The following PMS1 variants were observed in gnomAD, a reference collection of about 807,000 sequenced individuals.
PMS1 encodes the protein PMS1 protein homolog 1.
PMS1 carries 79 observed loss-of-function variants against 93.1 expected under a neutral mutation model. The observed-to-expected ratio is 0.85, with a 90% confidence interval of 0.71 to 1.02. The LOEUF is 1.02. PMS1 is among the 50% of genes least tolerant of loss of function. PMS1 has a pLI of 0.00. For synonymous variants in PMS1, 335 were observed against 363.4 expected, an observed-to-expected ratio of 0.92 and a Z score of 0.89; for missense variants, 1,064 against 1,085.3, an observed-to-expected ratio of 0.98 and a Z score of 0.28.
chr2:189,814,306 G>GAC (rs944186169), intron 4 of PMS1, among the ~76,000 whole-genome samples: 5 of 150,756 alleles, frequency 3.3e-5, no homozygotes, highest in African/African-American at 1.2e-4. Context: ...AATAGAGGAA[G>GAC]ACCCCCCCCC....
In PMS1 at chr2:189,856,734, G is replaced by A. The variant is rs145343984; in HGVS notation, c.1856+1606G>A. 2.2e-3 allele frequency among the ~76,000 whole-genome samples: 335 copies of A among 152,246 alleles called. 1 individual carries two copies. The highest frequency in any genetic ancestry group is 3.5e-3 in the Non-Finnish European group (238 of 67,974). On this transcript the variant is annotated intron_variant, in intron 9 of 12. Coordinates refer to ENST00000441310, the MANE Select transcript of PMS1 (RefSeq NM_000534.5). ...AAGTTCTCATGGAAATAGGGACAGT[G>A]TACAAGCTTATGATGGAAACTTATC...
intron 1 of PMS1, among the ~76,000 whole-genome samples, chr2:189,788,646 T>C (rs1307281840): frequency 6.6e-6 from 1 of 152,142 alleles, no homozygotes; most frequent in Admixed American, 6.5e-5. Flanking sequence ...ACAGATTTTT[T>C]AAAAGGTTAG....
In PMS1 at chr2:189,873,299, G is replaced by A. The variant is rs1369615514; in HGVS notation, c.2474-197G>A. On this transcript the variant is annotated intron_variant, in intron 11 of 12. Coordinates refer to ENST00000441310, the MANE Select transcript of PMS1 (RefSeq NM_000534.5). ...TTAAATTATATAAAGCACATGTGGT[G>A]TCAGTGAGCACTTATGACTTAATGT... 3.9e-5 allele frequency among the ~76,000 whole-genome samples: 6 copies of A among 152,282 alleles called. No individual in the cohort carries two copies. In the East Asian group the frequency reaches 1.2e-3, roughly 29 times the overall value.
At position 189,794,121 on chromosome 2, in the gene PMS1, T is replaced by C. The variant is rs568692528; in HGVS notation, c.133-1648T>C. 3.3e-5 allele frequency among the ~76,000 whole-genome samples: 5 copies of C among 152,260 alleles called. No homozygotes were observed. In the South Asian group the frequency reaches 1.0e-3, roughly 32 times the overall value. On this transcript the variant is annotated intron_variant, in intron 2 of 12. Transcript: ENST00000441310. ...ATGTAAACTTAACTTTATTCATTTA[T>C]TTATTTATTTTGAGACAGTCTCATT...
chr2:189,822,866 C>T (rs113053020), intron 5 of PMS1, among the ~76,000 whole-genome samples: 2 of 152,096 alleles, frequency 1.3e-5, no homozygotes, highest in African/African-American at 4.8e-5. Flanking sequence ...AGAAAATTGT[C>T]AAAGGAGCTA....
intron 4 of PMS1, among the ~76,000 whole-genome samples, chr2:189,810,046 TGTCA>T (rs1194732778): frequency 2.0e-5 from 3 of 152,212 alleles, no homozygotes; most frequent in African/African-American, 7.2e-5. Flanking sequence ...CCATTATATT[TGTCA>T]TCTAGGAACT....
intron 1 of PMS1, among the ~76,000 whole-genome samples, chr2:189,785,899 C>T (rs1282462265): frequency 4.6e-5 from 7 of 151,982 alleles, no homozygotes; most frequent in East Asian, 1.9e-4. Flanking sequence ...CCAAGGCGGG[C>T]GGATCACCTG....
At chr2:189,873,468 CTA>C (rs2057316257) in intron 11 of PMS1, 26 bp from the exon 12 acceptor site, 2 of 1,481,444 alleles carry the variant, frequency 1.4e-6, no homozygotes, top group Non-Finnish European at 1.9e-6. Flanking sequence ...ATGAACTTAA[CTA>C]TGTGTTTTTA....
At chr2:189,830,746 CT>C (rs1249404943) in intron 5 of PMS1, among the ~76,000 whole-genome samples, 5 of 152,326 alleles carry the variant, frequency 3.3e-5, no homozygotes, top group African/African-American at 1.2e-4. Context: ...CTCCATTATG[CT>C]GGTGGCACCA....
chr2:189,852,222 T>C (rs939493856), intron 6 of PMS1, among the ~76,000 whole-genome samples: 3 of 151,950 alleles, frequency 2.0e-5, no homozygotes, highest in Non-Finnish European at 4.4e-5. Flanking sequence ...TATAGCATAC[T>C]CAGAATGAAG....
intron 10 of PMS1, among the ~76,000 whole-genome samples, chr2:189,866,109 G>A (rs1203839552): frequency 6.6e-6 from 1 of 152,092 alleles, no homozygotes; most frequent in Non-Finnish European, 1.5e-5. Context: ...AGTGTCTTAG[G>A]CTACATTCAA....
chr2:189,861,332 G>A (rs781308458), intron 9 of PMS1, among the ~76,000 whole-genome samples: 10 of 150,434 alleles, frequency 6.6e-5, no homozygotes, highest in Non-Finnish European at 1.5e-4. Flanking sequence ...CCTTAATTGT[G>A]CACATATACT....
chr2:189,864,078 G>A lies in PMS1; in HGVS notation c.2192G>A (p.Arg731Lys). The stretch of plus-strand genomic sequence containing the variant: ...GAACCTTGCTTGATCCACAATCTCA[G>A]GTTTCCTGATGCATGGCTAATGACA... ...KDEPCLIHNL[R>K]FPDAWLMTSK... Residue 731 changes from arginine (R) to lysine (K), a missense_variant, in exon 10 of 13, where the codon AGG becomes AAG. By Grantham distance (26) the Arg-to-Lys change is conservative. Coordinates refer to ENST00000441310, the MANE Select transcript of PMS1 (RefSeq NM_000534.5). The A allele has an allele frequency of 6.2e-7, 1 of 1,613,600 alleles. No individual in the cohort carries two copies. The highest frequency in any genetic ancestry group is 8.5e-7 in the Non-Finnish European group (1 of 1,179,736).
intron 5 of PMS1, among the ~76,000 whole-genome samples, chr2:189,823,639 A>T (rs959358489): frequency 3.3e-5 from 5 of 152,340 alleles, no homozygotes; most frequent in East Asian, 1.9e-4. Context: ...TTGCTCATTT[A>T]AAAAAAGTAT....
Position 189,855,036 on chromosome 2 carries a change from G to C in PMS1, c.1764G>C (p.Gln588His). 6.2e-7 allele frequency: 1 copy of C among 1,613,114 alleles called. No homozygotes were observed. The highest frequency in any genetic ancestry group is 1.1e-5 in the South Asian group (1 of 91,056). The change falls in exon 9 of 13, where the codon CAG (glutamine) becomes CAC (histidine). Residue 588 changes from glutamine (Q) to histidine (H), a missense_variant. Coordinates refer to ENST00000441310, the MANE Select transcript of PMS1 (RefSeq NM_000534.5). ...TTTTTGTTCAAGATCATCGTCCTCA[G>C]TTTCTCATAGAAAATCCTAAGACTA... ...SALFVQDHRP[Q>H]FLIENPKTSL...
intron 3 of PMS1, among the ~76,000 whole-genome samples, chr2:189,803,805 A>C (rs2050100529): frequency 6.6e-6 from 1 of 152,238 alleles, no homozygotes; most frequent in Non-Finnish European, 1.5e-5. Flanking sequence ...CATGAATTGC[A>C]AAGCATTTCA....
intron 5 of PMS1, among the ~76,000 whole-genome samples, chr2:189,842,665 G>A (rs1330509279): frequency 3.3e-5 from 5 of 152,080 alleles, no homozygotes; most frequent in Admixed American, 6.6e-5. Context: ...ATTACTTTGG[G>A]GAGTGCTCCA....
chr2:189,787,722 C>T (rs527463181), intron 1 of PMS1, among the ~76,000 whole-genome samples: 9 of 152,010 alleles, frequency 5.9e-5, no homozygotes, highest in South Asian at 4.1e-4. Context: ...TCTGAAATCA[C>T]GCTACTTTGG....
intron 9 of PMS1, among the ~76,000 whole-genome samples, chr2:189,863,140 A>T (rs1217233066): frequency 1.3e-5 from 2 of 150,314 alleles, no homozygotes; most frequent in Non-Finnish European, 3.0e-5. Flanking sequence ...ATCCATTCTA[A>T]TTTCTTCCTG....
Sources: gnomAD v4.1 joint callset for allele counts (sites outside exome capture counted in the v4.1 genomes callset) on GRCh38, gnomAD v4.1.1 for gene constraint, MANE v1.5 for transcripts, NCBI Gene and HGNC (gene_info 2026-07-23, HGNC 2026-07-21) for gene names.